Variants in UNC13C observed in about 807,000 individuals in gnomAD.
UNC13C encodes the protein unc-13 homolog C.
UNC13C carries 174 observed loss-of-function variants against 245.4 expected under a neutral mutation model. The observed-to-expected ratio is 0.71, with a 90% CI of 0.63 to 0.80. UNC13C has a LOEUF of 0.80. Ranked by LOEUF, UNC13C falls within the 30% of genes least tolerant of loss-of-function variation. The pLI is 0.00. For missense variants in UNC13C, 2,829 were observed against 2,602.9 expected, an observed-to-expected ratio of 1.09 and a Z score of -1.89; for synonymous variants, 992 against 895.1, an observed-to-expected ratio of 1.11 and a Z score of -1.93.
intron 16 of UNC13C, among the ~76,000 whole-genome samples, chr15:54,336,686 A>G (rs2038585722): frequency 6.6e-6 from 1 of 152,072 alleles, no homozygotes; most frequent in Non-Finnish European, 1.5e-5. Flanking sequence ...ATAACATTTT[A>G]CATATTTATG....
intron 20 of UNC13C, among the ~76,000 whole-genome samples, chr15:54,499,498 G>T (rs972937441): frequency 5.9e-5 from 9 of 152,108 alleles, no homozygotes; most frequent in Non-Finnish European, 8.8e-5. Context: ...GACCTGATTT[G>T]CATCAAAGAT....
At chr15:54,413,969 A>G (rs1239499959) in intron 18 of UNC13C, among the ~76,000 whole-genome samples, 2 of 152,222 alleles carry the variant, frequency 1.3e-5, no homozygotes, top group Non-Finnish European at 2.9e-5. Flanking sequence ...ACTGTAATAA[A>G]AAGACTCGGT....
chr15:53,964,056 A>AT, the UNC13C span, among the ~76,000 whole-genome samples: 42 of 151,358 alleles, frequency 2.8e-4, no homozygotes, highest in South Asian at 2.7e-3. Flanking sequence ...GTCTTTACCC[A>AT]TTTTTTTTTT....
At chr15:53,847,429 T>A in the UNC13C span, among the ~76,000 whole-genome samples, 3 of 151,772 alleles carry the variant, frequency 2.0e-5, no homozygotes, top group Non-Finnish European at 2.9e-5. Flanking sequence ...TGGTCTCCCC[T>A]CACTGCAACC....
Position 54,448,466 on chromosome 15 carries a change from G to T in UNC13C, c.4933+33399G>T, listed in dbSNP as rs1265263563. On this transcript the variant is annotated intron_variant, in intron 19 of 32. Transcript: ENST00000260323. ...TATGAATCTGGGTGCTCCTGTATTG[G>T]GTGCATATATATTTAGGATAGTTAG... Among the ~76,000 whole-genome samples, 3 of 152,228 alleles carry T rather than the reference G, an allele frequency of 2.0e-5. No individual in the cohort carries two copies. The East Asian group carries it at 5.8e-4, about 29-fold the overall frequency.
intron 2 of UNC13C, among the ~76,000 whole-genome samples, chr15:54,140,408 G>A (rs776980929): frequency 6.6e-6 from 1 of 152,092 alleles, no homozygotes; most frequent in Non-Finnish European, 1.5e-5. Context: ...AAAAAAAACA[G>A]AGAGAGAGAT....
chr15:54,057,272 C>G (rs1897574964), intron 2 of UNC13C, among the ~76,000 whole-genome samples: 1 of 151,132 alleles, frequency 6.6e-6, no homozygotes, highest in Admixed American at 6.6e-5. Context: ...GAAGATCTAC[C>G]AAGCAAATGG....
At chr15:53,842,216 T>C in the UNC13C span, among the ~76,000 whole-genome samples, 14 of 152,330 alleles carry the variant, frequency 9.2e-5, no homozygotes, top group East Asian at 1.9e-3. Flanking sequence ...AATCCAATAC[T>C]GTCTTTTACT....
intron 19 of UNC13C, among the ~76,000 whole-genome samples, chr15:54,454,140 A>ATAT (rs1245633974): frequency 0.012 from 1,744 of 150,644 alleles, 26 homozygotes; most frequent in African/African-American, 0.038. Context: ...TATATATATA[A>ATAT]AATACAATTT....
intron 17 of UNC13C, among the ~76,000 whole-genome samples, chr15:54,352,596 CAATT>C (rs2039009490): frequency 6.6e-6 from 1 of 151,764 alleles, no homozygotes; most frequent in South Asian, 2.1e-4. Flanking sequence ...AAAAATACAG[CAATT>C]AATTATGCTA....
intron 2 of UNC13C, among the ~76,000 whole-genome samples, chr15:54,027,937 C>T (rs969608180): frequency 6.6e-6 from 1 of 152,170 alleles, no homozygotes; most frequent in Non-Finnish European, 1.5e-5. Context: ...CCCTATCAGC[C>T]ATGCCTTGAG....
intron 19 of UNC13C, among the ~76,000 whole-genome samples, chr15:54,439,180 G>A (rs1487146742): frequency 1.3e-5 from 2 of 151,938 alleles, no homozygotes; most frequent in African/African-American, 4.8e-5. Flanking sequence ...ACATGGAATA[G>A]TTTGAAATAC....
chr15:54,605,455 T>C (rs747633674), intron 30 of UNC13C, among the ~76,000 whole-genome samples: 7 of 152,198 alleles, frequency 4.6e-5, no homozygotes, highest in Non-Finnish European at 8.8e-5. Flanking sequence ...TACTCTTTTG[T>C]CTTGCTTTGG....
intron 8 of UNC13C, among the ~76,000 whole-genome samples, chr15:54,256,615 C>G (rs1483327047): frequency 1.3e-5 from 2 of 151,944 alleles, no homozygotes; most frequent in African/African-American, 2.4e-5. Flanking sequence ...GTTACTCACC[C>G]CATAGTCACT....
upstream of UNC13C, chr15:53,974,753 C>A (rs1270108147): frequency 7.8e-6 from 1 of 127,902 alleles, no homozygotes; most frequent in East Asian, 2.7e-4. Context: ...TTTTTTTTTT[C>A]ATTTAAACAA....
Position 54,235,066 on chromosome 15 carries a change from G to A in UNC13C, c.3108G>A (p.Pro1036=), listed in dbSNP as rs202150708. 22 of 1,613,776 alleles carry A rather than the reference G, an allele frequency of 1.4e-5. No individual in the cohort carries two copies. The highest frequency in any genetic ancestry group is 5.3e-5 in the African/African-American group (4 of 74,990). ...GGGLYGIDSM[P]DLRRKKTLPI... Reference sequence around the variant, plus strand: ...GACTTTATGGTATTGACAGCATGCCGGATCTTCGCAGAAAAAAAACTTTGC... The same window carrying A: ...GACTTTATGGTATTGACAGCATGCCAGATCTTCGCAGAAAAAAAACTTTGC... Residue 1036 remains proline, a synonymous_variant, in exon 5 of 33, where the codon CCG becomes CCA. Coordinates refer to ENST00000260323, the MANE Select transcript of UNC13C (RefSeq NM_001080534.3).
chr15:54,600,049 C>A (rs1013977821), intron 30 of UNC13C, among the ~76,000 whole-genome samples: 2 of 151,952 alleles, frequency 1.3e-5, no homozygotes, highest in Non-Finnish European at 2.9e-5. Context: ...GGCATATGAC[C>A]ATTTATTAAC....
At chr15:54,183,680 AG>A (rs907302470) in intron 4 of UNC13C, among the ~76,000 whole-genome samples, 43 of 151,804 alleles carry the variant, frequency 2.8e-4, no homozygotes, top group African/African-American at 9.7e-4. Context: ...GATGGACCAT[AG>A]CCATTCATGC....
At chr15:53,842,479 G>C in the UNC13C span, among the ~76,000 whole-genome samples, 1 of 152,106 alleles carries the variant, frequency 6.6e-6, no homozygotes, top group African/African-American at 2.4e-5. Context: ...GCTGATTAGA[G>C]TTCTGCATTC....
Sources: gnomAD v4.1 joint callset for allele counts (sites outside exome capture counted in the v4.1 genomes callset) on GRCh38, gnomAD v4.1.1 for gene constraint, MANE v1.5 for transcripts, NCBI Gene and HGNC (gene_info 2026-07-23, HGNC 2026-07-21) for gene names.